Variants in STRBP observed in about 807,000 individuals in gnomAD.
STRBP encodes the protein spermatid perinuclear RNA binding protein.
Under a neutral mutation model 80.1 loss-of-function variants are expected in STRBP, and 13 were observed. The observed-to-expected ratio is 0.16, with a 90% CI of 0.11 to 0.26. The LOEUF (loss-of-function observed/expected upper bound fraction) is 0.26. Ranked by LOEUF, STRBP falls within the 10% of genes least tolerant of loss-of-function variation. STRBP has a pLI of 1.00. For missense variants in STRBP, 485 were observed against 815.2 expected (o/e 0.59, Z 4.93); for synonymous variants, 284 against 291.2 (o/e 0.98, Z 0.25).
intron 2 of STRBP, among the ~76,000 whole-genome samples, chr9:123,227,392 G>A (rs1423624860): frequency 6.6e-6 from 1 of 152,058 alleles, no homozygotes; most frequent in African/African-American, 2.4e-5. Flanking sequence ...GAGCAAGGAG[G>A]TGAATGCAGT....
chr9:123,218,661 G>A (rs140028357), intron 2 of STRBP, among the ~76,000 whole-genome samples: 5,841 of 152,110 alleles, frequency 0.038, 145 homozygotes, highest in Middle Eastern at 0.095. Context: ...GAGCCACCGC[G>A]CCCGGCCTAA....
At chr9:123,211,699 G>T (rs944745804) in intron 2 of STRBP, among the ~76,000 whole-genome samples, 14 of 152,028 alleles carry the variant, frequency 9.2e-5, no homozygotes, top group Non-Finnish European at 1.9e-4. Flanking sequence ...GGCCAAATCG[G>T]TTCAACTATA....
chr9:123,180,371 A>C (rs1657518461), intron 3 of STRBP, among the ~76,000 whole-genome samples: 1 of 152,250 alleles, frequency 6.6e-6, no homozygotes, highest in Admixed American at 6.5e-5. Context: ...ACTATTTGAC[A>C]TTCAAACCTT....
intron 2 of STRBP, among the ~76,000 whole-genome samples, chr9:123,219,985 A>G (rs1317287540): frequency 6.6e-6 from 1 of 152,254 alleles, no homozygotes; most frequent in East Asian, 1.9e-4. Context: ...ATGCAAACAA[A>G]TGAACTTTCT....
chr9:123,256,427 C>T (rs988663542), intron 1 of STRBP, among the ~76,000 whole-genome samples: 7 of 151,886 alleles, frequency 4.6e-5, no homozygotes, highest in Non-Finnish European at 7.4e-5. Flanking sequence ...TTGGAAACTG[C>T]GACGTTAGAG....
intron 1 of STRBP, among the ~76,000 whole-genome samples, chr9:123,262,834 A>G (rs76530617): frequency 0.011 from 1,628 of 152,352 alleles, 7 homozygotes; most frequent in Admixed American, 0.016. Flanking sequence ...ATTACAAATC[A>G]GGTCACTTGG....
At chr9:123,182,965 T>C (rs886841540) in intron 3 of STRBP, among the ~76,000 whole-genome samples, 2 of 147,354 alleles carry the variant, frequency 1.4e-5, no homozygotes, top group African/African-American at 2.6e-5. Flanking sequence ...CAGTGAGCTA[T>C]GATCATGTCA....
At chr9:123,147,688 A>C (rs1039922635) in intron 12 of STRBP, 90 bp downstream of exon 12, 21 of 1,110,244 alleles carry the variant, frequency 1.9e-5, no homozygotes, top group African/African-American at 1.1e-4. Context: ...AAAAAAAAAA[A>C]AAAAAAAAAA....
At chr9:123,228,958 G>T (rs560709436) in intron 2 of STRBP, among the ~76,000 whole-genome samples, 6 of 152,142 alleles carry the variant, frequency 3.9e-5, no homozygotes, top group African/African-American at 1.4e-4. Context: ...ACTGATGAAT[G>T]CACAAACAAA....
chr9:123,155,010 T>C (rs1321447623), intron 11 of STRBP, among the ~76,000 whole-genome samples: 1 of 152,078 alleles, frequency 6.6e-6, no homozygotes, highest in East Asian at 1.9e-4. Context: ...AGAGAACAGA[T>C]AATTGCTGGA....
chr9:123,256,736 A>T (rs2041039963), intron 1 of STRBP, among the ~76,000 whole-genome samples: 1 of 152,066 alleles, frequency 6.6e-6, no homozygotes, highest in African/African-American at 2.4e-5. Context: ...GCACACTCAC[A>T]CACACACCCT....
chr9:123,175,219 C>T (rs1386583410), intron 4 of STRBP, among the ~76,000 whole-genome samples: 2 of 152,086 alleles, frequency 1.3e-5, no homozygotes, highest in Non-Finnish European at 2.9e-5. Context: ...CATTCAGGTC[C>T]CTTACATTAT....
intron 1 of STRBP, among the ~76,000 whole-genome samples, chr9:123,240,064 C>T (rs2040660505): frequency 6.6e-6 from 1 of 152,214 alleles, no homozygotes; most frequent in African/African-American, 2.4e-5. Flanking sequence ...ATGGGATTTG[C>T]TCTTCTCCTC....
rs547147790 is a variant in STRBP, at chr9:123,222,496, A to G, written c.-165+14334T>C. On this transcript the variant is annotated intron_variant, in intron 2 of 18. Transcript: ENST00000348403. ...GGCCCTTTCAGTCAATAGAGCAAGT[A>G]AATATTTTTAAAACCATGAGTTCAA... 3.3e-5 allele frequency among the ~76,000 whole-genome samples: 5 copies of G among 152,330 alleles called. No homozygotes were observed. The South Asian group carries it at 6.2e-4, about 19-fold the overall frequency.
intron 3 of STRBP, 64 bp downstream of exon 3, chr9:123,184,068 T>C (rs778487429): frequency 9.0e-5 from 139 of 1,539,478 alleles, no homozygotes; most frequent in Non-Finnish European, 1.2e-4. Context: ...ACTGTTAACA[T>C]TTCTAATTTT....
chr9:123,199,331 TA>T (rs1480682127), intron 2 of STRBP, among the ~76,000 whole-genome samples: 1 of 152,252 alleles, frequency 6.6e-6, no homozygotes, highest in African/African-American at 2.4e-5. Flanking sequence ...CCAGATTTGT[TA>T]TTTTTGCTTA....
intron 2 of STRBP, among the ~76,000 whole-genome samples, chr9:123,229,291 A>G (rs912589732): frequency 3.3e-5 from 5 of 152,218 alleles, no homozygotes; most frequent in African/African-American, 1.2e-4. Context: ...TAAATATACT[A>G]AAAACCACTG....
downstream of STRBP, among the ~76,000 whole-genome samples, chr9:123,118,498 C>T (rs1201529225): frequency 6.6e-6 from 1 of 152,222 alleles, no homozygotes; most frequent in Non-Finnish European, 1.5e-5. Flanking sequence ...CAAGACCCTC[C>T]TCAGAAGGAG....
chr9:123,202,959 A>G (rs1291029133), intron 2 of STRBP, among the ~76,000 whole-genome samples: 1 of 152,202 alleles, frequency 6.6e-6, no homozygotes, highest in African/African-American at 2.4e-5. Context: ...TCTCACTTGG[A>G]TTATACATTG....
Sources: gnomAD v4.1 joint callset for allele counts (sites outside exome capture counted in the v4.1 genomes callset) on GRCh38, gnomAD v4.1.1 for gene constraint, MANE v1.5 for transcripts, NCBI Gene and HGNC (gene_info 2026-07-23, HGNC 2026-07-21) for gene names.